Variants in EXOC4 observed in about 807,000 individuals in gnomAD.
EXOC4 encodes SEC8-like 1.
EXOC4 carries 71 observed loss-of-function variants against 107.2 expected under a neutral mutation model. That is an observed-to-expected ratio of 0.66 (90% CI 0.55 to 0.81). The LOEUF is 0.81. Among genes scored for constraint, EXOC4 ranks in the 30% least tolerant of loss-of-function variants. EXOC4 has a pLI of 0.00. For missense variants in EXOC4, 1,108 were observed against 1,189.6 expected (o/e 0.93, Z 1.01); for synonymous variants, 456 against 441.2 (o/e 1.03, Z -0.42).
At chr7:133,917,424 A>C (rs1799833781) in intron 12 of EXOC4, among the ~76,000 whole-genome samples, 159 bp from the exon 13 acceptor site, 1 of 152,126 alleles carries the variant, frequency 6.6e-6, no homozygotes, top group South Asian at 2.1e-4. Flanking sequence ...CAGTAATGTG[A>C]CCTATTAATG....
chr7:133,362,588 T>C (rs944017952), intron 6 of EXOC4, among the ~76,000 whole-genome samples: 1 of 152,202 alleles, frequency 6.6e-6, no homozygotes, highest in Non-Finnish European at 1.5e-5. Flanking sequence ...TTTTGAAATA[T>C]TTTTTATAAT....
chr7:133,684,369 A>T (rs1049826565), intron 10 of EXOC4, among the ~76,000 whole-genome samples: 5 of 152,204 alleles, frequency 3.3e-5, no homozygotes, highest in African/African-American at 1.2e-4. Flanking sequence ...TATGCTTCTA[A>T]AGACAATTAT....
At chr7:133,631,220 C>T (rs1802584577) in intron 10 of EXOC4, among the ~76,000 whole-genome samples, 1 of 152,046 alleles carries the variant, frequency 6.6e-6, no homozygotes, top group Admixed American at 6.6e-5. Context: ...ATGTTAGGTA[C>T]TTCAGAATAT....
chr7:133,389,431 G>A (rs1796800843), intron 7 of EXOC4, among the ~76,000 whole-genome samples: 1 of 151,910 alleles, frequency 6.6e-6, no homozygotes, highest in African/African-American at 2.4e-5. Context: ...AAACTAGCCG[G>A]GTGTGGTGGT....
chr7:133,408,514 G>A (rs1377530292), intron 7 of EXOC4, among the ~76,000 whole-genome samples: 1 of 151,808 alleles, frequency 6.6e-6, no homozygotes, highest in African/African-American at 2.4e-5. Flanking sequence ...TGGAGGGATT[G>A]GTAGTGATGA....
chr7:133,788,159 G>T (rs770294429), intron 10 of EXOC4, among the ~76,000 whole-genome samples: 99 of 149,840 alleles, frequency 6.6e-4, no homozygotes, highest in Middle Eastern at 6.9e-3. Context: ...CTCTTAATTG[G>T]AGTATCTCAG....
At chr7:133,667,378 A>G (rs1300590430) in intron 10 of EXOC4, among the ~76,000 whole-genome samples, 1 of 152,196 alleles carries the variant, frequency 6.6e-6, no homozygotes, top group Admixed American at 6.5e-5. Flanking sequence ...AAGCTTCCCA[A>G]CACCTCAGTG....
intron 10 of EXOC4, among the ~76,000 whole-genome samples, chr7:133,772,722 C>T (rs1360590188): frequency 6.6e-6 from 1 of 151,970 alleles, no homozygotes; most frequent in Non-Finnish European, 1.5e-5. Context: ...TTCTCTAGTC[C>T]AATCATTTTG....
chr7:133,830,417 C>A (rs1351858832), intron 11 of EXOC4, among the ~76,000 whole-genome samples: 2 of 152,214 alleles, frequency 1.3e-5, no homozygotes, highest in Admixed American at 1.3e-4. Flanking sequence ...TTTCTTCCAG[C>A]CTTTCAAAAT....
intron 11 of EXOC4, among the ~76,000 whole-genome samples, chr7:133,882,748 GC>G (rs1262099141): frequency 6.6e-6 from 1 of 152,120 alleles, no homozygotes; most frequent in African/African-American, 2.4e-5. Context: ...ATTGAAAGAA[GC>G]CCCAGGTAGC....
chr7:133,838,203 G>A (rs996164413), intron 11 of EXOC4, among the ~76,000 whole-genome samples: 1 of 152,104 alleles, frequency 6.6e-6, no homozygotes, highest in Admixed American at 6.5e-5. Flanking sequence ...TTATTTACTC[G>A]TTGTTTTTGT....
At chr7:133,813,415 A>G (rs1489830017) in intron 10 of EXOC4, among the ~76,000 whole-genome samples, 3 of 152,216 alleles carry the variant, frequency 2.0e-5, no homozygotes, top group Non-Finnish European at 4.4e-5. Flanking sequence ...AGAGATTCTG[A>G]TGATTAATTC....
chr7:133,705,774 G>A (rs906025310), intron 10 of EXOC4, among the ~76,000 whole-genome samples: 21 of 152,170 alleles, frequency 1.4e-4, no homozygotes, highest in African/African-American at 5.1e-4. Flanking sequence ...CTAGACAAAG[G>A]AATGATTCAT....
At chr7:133,823,878 A>ATATATATATATATAT (rs1797617432) in intron 11 of EXOC4, among the ~76,000 whole-genome samples, 1 of 19,630 alleles carries the variant, frequency 5.1e-5, no homozygotes, top group Non-Finnish European at 7.5e-5. Flanking sequence ...TATATTATAT[A>ATATATATATATATAT]TATATATATA....
intron 5 of EXOC4, among the ~76,000 whole-genome samples, chr7:133,349,154 G>A (rs186313603): frequency 7.1e-4 from 107 of 151,034 alleles, no homozygotes; most frequent in African/African-American, 2.5e-3. Flanking sequence ...TTGTGGTAAC[G>A]TCACATACCA....
intron 10 of EXOC4, among the ~76,000 whole-genome samples, chr7:133,658,388 T>C (rs1374345815): frequency 6.6e-6 from 1 of 152,162 alleles, no homozygotes; most frequent in Admixed American, 6.5e-5. Flanking sequence ...TAAAATCTAC[T>C]TATCTACTTA....
intron 17 of EXOC4, among the ~76,000 whole-genome samples, chr7:134,028,231 A>G (rs1285142909): frequency 6.6e-6 from 1 of 152,202 alleles, no homozygotes; most frequent in Non-Finnish European, 1.5e-5. Context: ...AAAAATTACT[A>G]TGTGATGATA....
At chr7:134,018,917 T>C (rs1488999797) in intron 17 of EXOC4, among the ~76,000 whole-genome samples, 1 of 152,058 alleles carries the variant, frequency 6.6e-6, no homozygotes, top group East Asian at 1.9e-4. Context: ...TCGATGTATG[T>C]TTGTTTTTGT....
intron 7 of EXOC4, among the ~76,000 whole-genome samples, chr7:133,439,294 C>T (rs1798053060): frequency 6.8e-6 from 1 of 147,396 alleles, no homozygotes; most frequent in African/African-American, 2.5e-5. Flanking sequence ...AAGTAATTCT[C>T]CTGCCTCAGC....
Sources: allele counts gnomAD v4.1 joint callset (sites outside exome capture counted in the v4.1 genomes callset), GRCh38; gene constraint gnomAD v4.1.1; transcripts MANE v1.5; gene names NCBI Gene and HGNC (gene_info 2026-07-23, HGNC 2026-07-21).